IRAG2: variants seen among roughly 807,000 people sequenced by gnomAD.
The protein encoded by IRAG2 is inositol 1,4,5-triphosphate receptor associated 2.
In IRAG2, 45 loss-of-function variants were observed where a neutral mutation model predicts 69.9. The ratio of observed to expected loss-of-function variants is 0.64; its 90% confidence interval spans 0.51 to 0.83. IRAG2 has a LOEUF of 0.83. IRAG2 is among the 40% of genes least tolerant of loss of function. The probability of loss-of-function intolerance (pLI) is 0.00; values close to 1 mark genes in which losing one functional copy is unlikely to be tolerated. For missense variants in IRAG2, 520 were observed against 587.0 expected (o/e 0.89, Z 1.18); for synonymous variants, 193 against 202.4 (o/e 0.95, Z 0.40).
chr12:25,057,932 T>A (rs1945381005), intron 1 of IRAG2, among the ~76,000 whole-genome samples: 1 of 152,232 alleles, frequency 6.6e-6, no homozygotes, highest in Non-Finnish European at 1.5e-5. Flanking sequence ...TTAGTAGTAG[T>A]TTTTTATTAT....
At chr12:25,015,111 A>AAAAAG (rs1944513328) in intron 3 of IRAG2, 1 of 436,294 alleles carries the variant, frequency 2.3e-6, no homozygotes, top group African/African-American at 2.2e-5. Context: ...AAAAAAAAAA[A>AAAAAG]AGACAAAACT....
At chr12:25,050,556 A>C (rs556632682), upstream of IRAG2, among the ~76,000 whole-genome samples, 49 of 146,410 alleles carry the variant, frequency 3.3e-4, 1 homozygote, top group African/African-American at 9.8e-4. Flanking sequence ...AACAAACAAA[A>C]AAAAACAGTT....
At chr12:25,049,982 CAAAAAAAA>C (rs56185966), upstream of IRAG2, among the ~76,000 whole-genome samples, 3 of 71,308 alleles carry the variant, frequency 4.2e-5, no homozygotes, top group Admixed American at 3.3e-4. Context: ...AACTGTGTCT[CAAAAAAAA>C]AAAAAAAAAA....
chr12:25,049,859 T>G (rs1348585881), upstream of IRAG2, among the ~76,000 whole-genome samples: 2 of 151,710 alleles, frequency 1.3e-5, no homozygotes, highest in East Asian at 1.9e-4. Context: ...GGCAGGCGCC[T>G]GTAGTCCTAG....
chr12:25,071,740 T>C (rs10842457), intron 6 of IRAG2, among the ~76,000 whole-genome samples: 2 of 151,914 alleles, frequency 1.3e-5, no homozygotes, highest in Non-Finnish European at 2.9e-5. Context: ...CTACTCTTAG[T>C]ACACTGAATT....
chr12:25,033,230 C>T (rs1944681965), intron 12 of IRAG2, among the ~76,000 whole-genome samples: 1 of 152,140 alleles, frequency 6.6e-6, no homozygotes, highest in South Asian at 2.1e-4. Context: ...GCTGGGATTA[C>T]AGGTGTGAGC....
At chr12:25,059,820 G>C (rs191243100) in intron 1 of IRAG2, among the ~76,000 whole-genome samples, 48 of 152,096 alleles carry the variant, frequency 3.2e-4, no homozygotes, top group African/African-American at 1.1e-3. Context: ...AATTTACATA[G>C]GTAATTTTCT....
intron 16 of IRAG2, among the ~76,000 whole-genome samples, chr12:25,039,462 G>A (rs111985454): frequency 0.1 from 15,506 of 152,166 alleles, 964 homozygotes; most frequent in East Asian, 0.13. Context: ...ACGAAGTCTC[G>A]CTCTGTCACC....
At chr12:25,020,891 C>T in exon 7 of IRAG2, 1 of 1,229,858 alleles carries the variant, frequency 8.1e-7, no homozygotes, top group Non-Finnish European at 1.0e-6. Context: ...ATGATTGTAG[C>T]CCAGAGCAAA....
chr12:25,106,379 TGGAA>T, intron 20 of IRAG2, among the ~76,000 whole-genome samples: 1 of 146,774 alleles, frequency 6.8e-6, no homozygotes, highest in African/African-American at 2.5e-5. Flanking sequence ...ATATATATTA[TGGAA>T]TATGTGTGTA....
upstream of IRAG2, among the ~76,000 whole-genome samples, chr12:25,048,274 C>A (rs552492450): frequency 6.6e-6 from 1 of 151,970 alleles, no homozygotes; most frequent in Non-Finnish European, 1.5e-5. Context: ...AGTGTCTGTT[C>A]CTGTCCTTTG....
At chr12:25,032,739 A>G (rs1944677503) in intron 12 of IRAG2, among the ~76,000 whole-genome samples, 1 of 152,136 alleles carries the variant, frequency 6.6e-6, no homozygotes, top group Non-Finnish European at 1.5e-5. Flanking sequence ...GCAGTTAGCT[A>G]ACTCTTTGGC....
upstream of IRAG2, among the ~76,000 whole-genome samples, chr12:25,000,126 G>C (rs1438069899): frequency 2.0e-5 from 3 of 152,150 alleles, no homozygotes; most frequent in African/African-American, 7.2e-5. Context: ...AATATTGGTT[G>C]GCTGTCTAAA....
intron 3 of IRAG2, among the ~76,000 whole-genome samples, chr12:25,012,529 T>G (rs1251673051): frequency 6.6e-6 from 1 of 151,942 alleles, no homozygotes. Context: ...TGCTAGGATT[T>G]GCTTAAAGAA....
intron 2 of IRAG2, among the ~76,000 whole-genome samples, chr12:25,062,142 C>T (rs1453488405): frequency 6.6e-6 from 1 of 152,068 alleles, no homozygotes; most frequent in Non-Finnish European, 1.5e-5. Flanking sequence ...CCTTGTGATA[C>T]TTGGTGAATC....
chr12:25,004,549 C>G, exon 1 of IRAG2: 2 of 1,232,074 alleles, frequency 1.6e-6, no homozygotes, highest in Non-Finnish European at 2.0e-6. Context: ...TGCTTGTGTT[C>G]CTACGCCCGG....
chr12:25,054,035 C>T (rs1945057053), intron 1 of IRAG2, among the ~76,000 whole-genome samples: 2 of 152,158 alleles, frequency 1.3e-5, no homozygotes, highest in African/African-American at 2.4e-5. Context: ...AGTTTGAGAC[C>T]AGCCTGGACA....
chr12:25,052,479 A>G (rs1944906342), upstream of IRAG2: 1 of 397,028 alleles, frequency 2.5e-6, no homozygotes, highest in East Asian at 3.6e-5. Flanking sequence ...CTGCAAGTTC[A>G]GTCCCTAGCG....
At chr12:25,057,675 T>C (rs1591961089) in intron 1 of IRAG2, among the ~76,000 whole-genome samples, 1 of 152,202 alleles carries the variant, frequency 6.6e-6, no homozygotes, top group Admixed American at 6.5e-5. Flanking sequence ...TCATAAAATG[T>C]TCAGATCTCG....
Sources: allele counts gnomAD v4.1 joint callset (sites outside exome capture counted in the v4.1 genomes callset), GRCh38; gene constraint gnomAD v4.1.1; transcripts MANE v1.5; gene names NCBI Gene and HGNC (gene_info 2026-07-23, HGNC 2026-07-21).